Variants in TRDN observed in about 807,000 individuals in gnomAD.
TRDN encodes triadin in skeletal muscle.
A neutral mutation model predicts 149.7 loss-of-function variants in TRDN; 161 were observed. The observed-to-expected ratio is 1.08, with a 90% CI of 0.95 to 1.23. The LOEUF is 1.23. Ranked by LOEUF, TRDN falls within the 50% of genes most tolerant of loss-of-function variation. TRDN has a pLI of 0.00. For missense variants in TRDN, 896 were observed against 823.5 expected (o/e 1.09, Z -1.08); for synonymous variants, 294 against 250.5 (o/e 1.17, Z -1.64).
intron 8 of TRDN, 74 bp downstream of exon 8, chr6:123,503,645 T>C: frequency 6.3e-7 from 1 of 1,589,630 alleles, no homozygotes; most frequent in Non-Finnish European, 8.6e-7. Context: ...TTTTCAACTT[T>C]TAATTTCACT....
At chr6:123,483,433 T>C (rs1301555128) in intron 9 of TRDN, among the ~76,000 whole-genome samples, 1 of 152,032 alleles carries the variant, frequency 6.6e-6, no homozygotes, top group African/African-American at 2.4e-5. Context: ...CTACATCTAA[T>C]TTTATTACCA....
intron 12 of TRDN, among the ~76,000 whole-genome samples, chr6:123,398,816 T>C (rs1772841513): frequency 1.3e-5 from 2 of 152,214 alleles, no homozygotes; most frequent in South Asian, 4.1e-4. Context: ...CAGCCAGATA[T>C]GCAAATTGCA....
chr6:123,230,365 C>T (rs1775553649), intron 38 of TRDN, among the ~76,000 whole-genome samples: 1 of 151,726 alleles, frequency 6.6e-6, no homozygotes, highest in Non-Finnish European at 1.5e-5. Context: ...GGAAGGGGAA[C>T]ATCACACACC....
intron 4 of TRDN, among the ~76,000 whole-genome samples, chr6:123,541,656 T>C (rs1780842612): frequency 6.6e-6 from 1 of 152,128 alleles, no homozygotes; most frequent in Middle Eastern, 3.2e-3. Flanking sequence ...GAGATGAGCT[T>C]TGATCTAGAT....
chr6:123,594,677 A>G (rs768085014), intron 1 of TRDN, among the ~76,000 whole-genome samples: 11 of 152,004 alleles, frequency 7.2e-5, no homozygotes, highest in African/African-American at 1.2e-4. Flanking sequence ...AACAAAATCC[A>G]CTACCCTCAG....
intron 38 of TRDN, among the ~76,000 whole-genome samples, chr6:123,239,205 T>C (rs1184659251): frequency 6.6e-6 from 1 of 152,148 alleles, no homozygotes; most frequent in Non-Finnish European, 1.5e-5. Flanking sequence ...AAATGTTCAA[T>C]ATATCAGAAA....
At chr6:123,312,728 A>G (rs1394310961) in intron 24 of TRDN, among the ~76,000 whole-genome samples, 1 of 152,006 alleles carries the variant, frequency 6.6e-6, no homozygotes, top group Non-Finnish European at 1.5e-5. Flanking sequence ...GCTTACTGCT[A>G]CTTAGGAATG....
intron 2 of TRDN, among the ~76,000 whole-genome samples, chr6:123,553,242 A>G (rs1481368919): frequency 1.3e-5 from 2 of 152,104 alleles, no homozygotes; most frequent in Non-Finnish European, 2.9e-5. Flanking sequence ...GTGCTACACA[A>G]CTGGTGTTTC....
At chr6:123,325,759 T>C (rs528027639) in intron 23 of TRDN, among the ~76,000 whole-genome samples, 24 of 152,216 alleles carry the variant, frequency 1.6e-4, no homozygotes, top group Admixed American at 4.6e-4. Flanking sequence ...CTGGTTAAGT[T>C]TACTATGGCA....
At chr6:123,304,236 A>G (rs1778524431) in intron 24 of TRDN, among the ~76,000 whole-genome samples, 1 of 148,598 alleles carries the variant, frequency 6.7e-6, no homozygotes, top group Non-Finnish European at 1.5e-5. Context: ...TATGAATATT[A>G]ATTTTCTTTT....
intron 12 of TRDN, among the ~76,000 whole-genome samples, chr6:123,416,185 G>GT (rs1773641947): frequency 6.6e-6 from 1 of 152,148 alleles, no homozygotes; most frequent in Non-Finnish European, 1.5e-5. Flanking sequence ...ATGTGTTTAT[G>GT]TTAATTCTAA....
At chr6:123,624,766 C>G (rs537044104) in intron 1 of TRDN, among the ~76,000 whole-genome samples, 1 of 151,984 alleles carries the variant, frequency 6.6e-6, no homozygotes, top group Non-Finnish European at 1.5e-5. Flanking sequence ...GAAATGGTCT[C>G]TATACATACA....
At chr6:123,584,067 T>C (rs1440342839) in intron 1 of TRDN, 7 of 152,744 alleles carry the variant, frequency 4.6e-5, no homozygotes, top group Admixed American at 3.9e-4. Context: ...GTGATCAGGG[T>C]GAGGAACAGG....
At chr6:123,506,516 T>C (rs1037155510) in intron 7 of TRDN, among the ~76,000 whole-genome samples, 1 of 152,166 alleles carries the variant, frequency 6.6e-6, no homozygotes, top group African/African-American at 2.4e-5. Flanking sequence ...TTAGATAGAC[T>C]CTTGGCTCTG....
At chr6:123,370,906 T>A (rs1472913118) in intron 19 of TRDN, among the ~76,000 whole-genome samples, 2 of 138,012 alleles carry the variant, frequency 1.4e-5, no homozygotes, top group Non-Finnish European at 3.1e-5. Flanking sequence ...TCTATCAAGG[T>A]CTTTGTCTTT....
At chr6:123,519,388 T>A (rs1779562207) in intron 5 of TRDN, among the ~76,000 whole-genome samples, 1 of 151,690 alleles carries the variant, frequency 6.6e-6, no homozygotes, top group South Asian at 2.1e-4. Flanking sequence ...GTGCTCTGTG[T>A]TTTTGTTTTT....
intron 24 of TRDN, among the ~76,000 whole-genome samples, chr6:123,298,759 G>T (rs922553195): frequency 2.0e-4 from 30 of 151,944 alleles, no homozygotes; most frequent in African/African-American, 7.0e-4. Flanking sequence ...ATTGGGGAGG[G>T]AGTTGCAAAA....
intron 23 of TRDN, among the ~76,000 whole-genome samples, chr6:123,327,728 TG>T: frequency 6.6e-6 from 1 of 152,238 alleles, no homozygotes; most frequent in East Asian, 1.9e-4. Flanking sequence ...ACTAATATTT[TG>T]TTTGTGGGTA....
intron 5 of TRDN, chr6:123,528,795 T>G (rs1232169604): frequency 9.0e-6 from 9 of 995,216 alleles, no homozygotes; most frequent in Non-Finnish European, 9.6e-6. Context: ...TTGTTCATAT[T>G]CACACAGAAA....
Sources: gnomAD v4.1 joint callset for allele counts (sites outside exome capture counted in the v4.1 genomes callset) on GRCh38, gnomAD v4.1.1 for gene constraint, MANE v1.5 for transcripts, NCBI Gene and HGNC (gene_info 2026-07-23, HGNC 2026-07-21) for gene names.